FNIP2: variants seen among roughly 807,000 people sequenced by gnomAD.
The protein encoded by FNIP2 is folliculin interacting protein 2.
FNIP2 carries 32 observed loss-of-function variants against 108.7 expected under a neutral mutation model. The observed-to-expected ratio is 0.29, with a 90% CI of 0.22 to 0.40. The LOEUF (loss-of-function observed/expected upper bound fraction) is 0.40, where lower values mean the gene tolerates loss of function less well. Ranked by LOEUF, FNIP2 falls within the 10% of genes least tolerant of loss-of-function variation. The probability of loss-of-function intolerance (pLI) is 1.00; values close to 1 mark genes in which losing one functional copy is unlikely to be tolerated. For synonymous variants in FNIP2, 480 were observed against 496.7 expected (o/e 0.97, Z 0.45); for missense variants, 1,202 against 1,381.6 (o/e 0.87, Z 2.06).
chr4:158,869,167 C>G lies in FNIP2; in HGVS notation c.2531C>G (p.Ala844Gly). The change falls in exon 13 of 17, where the codon GCT (alanine) becomes GGT (glycine). Residue 844 changes from alanine to glycine, a missense_variant. By Grantham distance (60) the Ala-to-Gly change is moderately conservative. Around this residue, in one of 5 missense-constraint regions of FNIP2, gnomAD observed 878 missense variants for 990.3 expected, o/e 0.89. Transcript: ENST00000264433. ...LEATRGLYVK[A>G]AEGPVLEPVA... ...GCCACTAGAGGTTTGTATGTGAAGG[C>G]TGCGGAAGGACCTGTGCTGGAGCCT... is the stretch of plus-strand genomic sequence containing the variant. 1 of 1,614,032 alleles carries G rather than the reference C, an allele frequency of 6.2e-7. No homozygotes were observed. Among genetic ancestry groups the G allele is most frequent in the Non-Finnish European group, 8.5e-7 (1 of 1,179,896 alleles).
At chr4:158,826,939 A>G (rs1395371909) in intron 2 of FNIP2, among the ~76,000 whole-genome samples, 1 of 152,244 alleles carries the variant, frequency 6.6e-6, no homozygotes, top group Non-Finnish European at 1.5e-5. Context: ...AGCTAAGTAA[A>G]TGAACAGTTT....
Position 158,823,316 on chromosome 4 carries a change from A to G in FNIP2, c.108-2600A>G, listed in dbSNP as rs2347075. Among the ~76,000 whole-genome samples the G allele has an allele frequency of 4.7e-3, 723 of 152,244 alleles. 3 individuals are homozygous for G. The Middle Eastern group carries it at 0.051, about 11-fold the overall frequency. On this transcript the variant is annotated intron_variant, in intron 1 of 16. Coordinates refer to ENST00000264433, the MANE Select transcript of FNIP2 (RefSeq NM_020840.3). Reference sequence around the variant, plus strand: ...AATCTCCCTCTGTCACCCAGGCTGGAGTGCAGTGGTGCGATCTCGGCTCAC... The same window carrying G: ...AATCTCCCTCTGTCACCCAGGCTGGGGTGCAGTGGTGCGATCTCGGCTCAC...
chr4:158,895,812 A>G lies in FNIP2; in HGVS notation c.3213A>G (p.Glu1071=), dbSNP rs751015157. The change falls in exon 16 of 17, where the codon GAA becomes GAG. Residue 1071 remains glutamate, a synonymous_variant. Coordinates refer to ENST00000264433, the MANE Select transcript of FNIP2 (RefSeq NM_020840.3). Reference sequence around the variant, plus strand: ...ACCTTAAAAGTAAAATGCTATCTGAATATCTCCGGGGACACACACGAGTCC... The same window carrying G: ...ACCTTAAAAGTAAAATGCTATCTGAGTATCTCCGGGGACACACACGAGTCC... The part of the protein sequence containing the change: ...EMYLKSKMLS[E]YLRGHTRVHV... 3.7e-6 allele frequency: 6 copies of G among 1,613,402 alleles called. No individual in the cohort carries two copies. The East Asian group carries it at 1.1e-4, about 30-fold the overall frequency.
At chr4:158,793,054 G>T (rs1220949585) in intron 1 of FNIP2, among the ~76,000 whole-genome samples, 1 of 152,198 alleles carries the variant, frequency 6.6e-6, no homozygotes, top group East Asian at 1.9e-4. Flanking sequence ...TCAAAGTCTT[G>T]CTGGAAAATG....
intron 1 of FNIP2, among the ~76,000 whole-genome samples, chr4:158,770,968 G>A (rs1306224790): frequency 6.6e-6 from 1 of 152,164 alleles, no homozygotes; most frequent in African/African-American, 2.4e-5. Context: ...AAGTTTAACT[G>A]AGTGTATTTG....
At chr4:158,794,868 T>C (rs2126460834) in intron 1 of FNIP2, among the ~76,000 whole-genome samples, 1 of 152,338 alleles carries the variant, frequency 6.6e-6, no homozygotes, top group East Asian at 1.9e-4. Context: ...TAAAGAAAAT[T>C]CTTGGGTCCA....
intron 1 of FNIP2, among the ~76,000 whole-genome samples, chr4:158,803,191 C>G (rs182002813): frequency 1.3e-4 from 20 of 152,240 alleles, no homozygotes; most frequent in African/African-American, 4.6e-4. Context: ...TTGGATAACC[C>G]AAATTATCTT....
At chr4:158,843,951 A>G (rs189774392) in intron 7 of FNIP2, among the ~76,000 whole-genome samples, 7 of 152,282 alleles carry the variant, frequency 4.6e-5, no homozygotes, top group East Asian at 1.9e-4. Context: ...CTGTAGCCCT[A>G]TTTCCTGGAC....
At position 158,769,304 on chromosome 4, in the gene FNIP2, A is replaced by C; in HGVS notation, c.92A>C (p.Glu31Ala). The C allele has an allele frequency of 1.3e-6, 2 of 1,517,810 alleles. No individual in the cohort carries two copies. The highest frequency in any genetic ancestry group is 2.4e-5 in the South Asian group (2 of 81,780). 94.0% of individuals were successfully genotyped at this position (1,517,810 alleles called of 1,614,324 possible). A position where few individuals can be genotyped will look rare whatever the true frequency, so the allele number is the denominator to read the frequency against. The change falls in exon 1 of 17, where the codon GAA becomes GCA. Residue 31 changes from glutamate to alanine, a missense_variant. Transcript: ENST00000264433. ...AASAQGRAPK[E>A]GPAFSWSCSE... ...TCTGCCCAGGGCAGGGCTCCTAAGG[A>C]AGGACCCGCCTTTAGGTGAGGGGGC...
intron 10 of FNIP2, among the ~76,000 whole-genome samples, chr4:158,861,001 A>G (rs75698570): frequency 2.9e-3 from 440 of 152,318 alleles, no homozygotes; most frequent in African/African-American, 8.2e-3. Flanking sequence ...TCAAAGGTCA[A>G]GAAGCTGAAA....
At chr4:158,791,444 C>T (rs192157381) in intron 1 of FNIP2, among the ~76,000 whole-genome samples, 36 of 151,860 alleles carry the variant, frequency 2.4e-4, no homozygotes, top group Non-Finnish European at 4.1e-4. Context: ...CCACCATGCC[C>T]GGGGCTAAGT....
At chr4:158,782,384 A>G (rs952863947) in intron 1 of FNIP2, among the ~76,000 whole-genome samples, 1 of 152,128 alleles carries the variant, frequency 6.6e-6, no homozygotes, top group African/African-American at 2.4e-5. Context: ...GGAAAAAACA[A>G]AACTCTTACA....
intron 15 of FNIP2, chr4:158,893,557 G>A (rs1287365887): frequency 3.1e-5 from 20 of 636,204 alleles, no homozygotes. Flanking sequence ...GTTTATTTGG[G>A]CTTTAAGCTG....
At chr4:158,847,081 C>T (rs1779446585) in intron 7 of FNIP2, among the ~76,000 whole-genome samples, 1 of 152,198 alleles carries the variant, frequency 6.6e-6, no homozygotes, top group Non-Finnish European at 1.5e-5. Flanking sequence ...AGCGCCCATC[C>T]CAGCAGCTGG....
At chr4:158,881,832 C>A (rs1330162281) in intron 14 of FNIP2, among the ~76,000 whole-genome samples, 1 of 152,250 alleles carries the variant, frequency 6.6e-6, no homozygotes, top group Non-Finnish European at 1.5e-5. Flanking sequence ...CTGCCTTGGC[C>A]TCCCAAAGTG....
intron 16 of FNIP2, among the ~76,000 whole-genome samples, chr4:158,900,734 C>T (rs1002697546): frequency 7.2e-5 from 11 of 152,112 alleles, no homozygotes; most frequent in South Asian, 2.1e-4. Context: ...TGTGTTTGCA[C>T]GTGAGATGTG....
intron 1 of FNIP2, among the ~76,000 whole-genome samples, chr4:158,781,887 T>TTTA (rs1293590735): frequency 6.6e-6 from 1 of 151,568 alleles, no homozygotes; most frequent in Non-Finnish European, 1.5e-5. Context: ...TCTCTCTAAA[T>TTTA]GAGTTTTTTT....
At chr4:158,887,736 CAAAAAAAAAAAA>C (rs10645281) in intron 14 of FNIP2, among the ~76,000 whole-genome samples, 26 of 78,802 alleles carry the variant, frequency 3.3e-4, no homozygotes, top group African/African-American at 1.2e-3. Flanking sequence ...GACTCTGTCT[CAAAAAAAAAAAA>C]AAAAAAAAAC....
chr4:158,785,117 C>T (rs563394090), intron 1 of FNIP2, among the ~76,000 whole-genome samples: 31 of 116,482 alleles, frequency 2.7e-4, no homozygotes, highest in African/African-American at 9.0e-4. Flanking sequence ...GCCAGAGTCT[C>T]ACTCTGTTGC....
Sources: gnomAD v4.1 joint callset for allele counts (sites outside exome capture counted in the v4.1 genomes callset) on GRCh38, gnomAD v4.1.1 for gene constraint, gnomAD v4.1.1 regional missense constraint, MANE v1.5 for transcripts, NCBI Gene and HGNC (gene_info 2026-07-23, HGNC 2026-07-21) for gene names.